Variants in NEGR1 observed in about 807,000 individuals in gnomAD.
NEGR1 encodes neuronal growth regulator 1, also known as IgLON family member 4.
NEGR1 carries 10 observed loss-of-function variants against 40.9 expected under a neutral mutation model. The observed-to-expected ratio is 0.24, with a 90% confidence interval of 0.15 to 0.42. NEGR1 has a LOEUF of 0.42. NEGR1 is among the 10% of genes least tolerant of loss of function. The pLI, the probability that NEGR1 is intolerant of heterozygous loss-of-function variation, is 1.00. For synonymous variants in NEGR1, 185 were observed against 166.8 expected, an observed-to-expected ratio of 1.11 and a Z score of -0.84; for missense variants, 352 against 438.9, an observed-to-expected ratio of 0.80 and a Z score of 1.77.
At chr1:72,009,098 T>C (rs1362283714) in intron 1 of NEGR1, among the ~76,000 whole-genome samples, 3 of 151,952 alleles carry the variant, frequency 2.0e-5, no homozygotes, top group Admixed American at 1.3e-4. Flanking sequence ...TATGTAATGG[T>C]GCATATTACC....
At chr1:72,237,171 C>T (rs1654576376) in intron 1 of NEGR1, among the ~76,000 whole-genome samples, 1 of 151,828 alleles carries the variant, frequency 6.6e-6, no homozygotes, top group South Asian at 2.1e-4. Context: ...AGGTATATCC[C>T]AGAATTACAA....
chr1:71,534,287 T>G (rs1217450661), intron 6 of NEGR1, among the ~76,000 whole-genome samples: 1 of 151,722 alleles, frequency 6.6e-6, no homozygotes, highest in African/African-American at 2.4e-5. Context: ...GTCGAACTAT[T>G]GGTTTGAATA....
intron 1 of NEGR1, among the ~76,000 whole-genome samples, chr1:72,189,125 A>G (rs12075999): frequency 0.038 from 5,818 of 151,560 alleles, 355 homozygotes; most frequent in African/African-American, 0.13. Flanking sequence ...CTCCCTATTC[A>G]AATGATAAAT....
intron 1 of NEGR1, among the ~76,000 whole-genome samples, chr1:71,966,074 A>G (rs940678151): frequency 1.3e-5 from 2 of 152,188 alleles, no homozygotes; most frequent in African/African-American, 2.4e-5. Flanking sequence ...AAGTTCAATA[A>G]TTCACCACAT....
intron 1 of NEGR1, among the ~76,000 whole-genome samples, chr1:72,188,888 A>T (rs899801176): frequency 1.3e-5 from 2 of 151,624 alleles, no homozygotes; most frequent in Admixed American, 1.3e-4. Context: ...TGGATTGCAG[A>T]TAAAAACAAA....
chr1:71,649,564 G>T (rs1651642871), intron 4 of NEGR1, among the ~76,000 whole-genome samples: 1 of 152,086 alleles, frequency 6.6e-6, no homozygotes, highest in African/African-American at 2.4e-5. Flanking sequence ...ATACATTAAA[G>T]TAGGAAGGGT....
chr1:71,881,786 A>G lies in NEGR1; in HGVS notation c.409+53293T>C, dbSNP rs565270622. On this transcript the variant is annotated intron_variant, in intron 2 of 6. Transcript: ENST00000357731. The stretch of plus-strand genomic sequence containing the variant: ...CCAACTGAATTATTTTAGGCATAAT[A>G]TATTCTTTCTGAATGTCTTTCCTCT... Among the ~76,000 whole-genome samples, 4 of 152,192 alleles carry G rather than the reference A, an allele frequency of 2.6e-5. No individual in the cohort carries two copies. In the East Asian group the frequency reaches 7.7e-4, roughly 29 times the overall value.
intron 1 of NEGR1, among the ~76,000 whole-genome samples, chr1:72,078,708 C>T (rs368559415): frequency 2.8e-4 from 42 of 147,906 alleles, no homozygotes; most frequent in East Asian, 1.4e-3. Context: ...GGCGTGATTT[C>T]GGCTCACTGT....
intron 3 of NEGR1, among the ~76,000 whole-genome samples, chr1:71,699,057 C>T (rs551113096): frequency 2.2e-4 from 34 of 151,850 alleles, no homozygotes; most frequent in Non-Finnish European, 4.9e-4. Context: ...AAAAAAATCA[C>T]ATTCCAGTGC....
At chr1:71,629,803 C>T (rs1473180702) in intron 4 of NEGR1, among the ~76,000 whole-genome samples, 1 of 151,884 alleles carries the variant, frequency 6.6e-6, no homozygotes, top group Admixed American at 6.6e-5. Flanking sequence ...CACCTCTAGA[C>T]TTTTTAAAAA....
At position 71,923,552 on chromosome 1, in the gene NEGR1, A is replaced by G. The variant is rs925802309; in HGVS notation, c.409+11527T>C. On this transcript the variant is annotated intron_variant, in intron 2 of 6. Coordinates refer to ENST00000357731, the MANE Select transcript of NEGR1 (RefSeq NM_173808.3). ...TGGCTGCCATAACAAATTATTACAAATTTAGTGGCTTAAAACAACACAAGT... is the reference window on the plus strand; with the variant it reads ...TGGCTGCCATAACAAATTATTACAAGTTTAGTGGCTTAAAACAACACAAGT... Among the ~76,000 whole-genome samples, 6 of 152,186 alleles carry G rather than the reference A, an allele frequency of 3.9e-5. No individual in the cohort carries two copies. In the East Asian group the frequency reaches 9.6e-4, roughly 24 times the overall value.
intron 6 of NEGR1, among the ~76,000 whole-genome samples, chr1:71,448,858 G>T (rs968379591): frequency 1.3e-5 from 2 of 152,168 alleles, no homozygotes; most frequent in Non-Finnish European, 2.9e-5. Context: ...TTTGATTTCA[G>T]TGACAACTGC....
intron 2 of NEGR1, among the ~76,000 whole-genome samples, chr1:71,915,740 A>G (rs1661558727): frequency 6.6e-6 from 1 of 152,186 alleles, no homozygotes; most frequent in Non-Finnish European, 1.5e-5. Flanking sequence ...ATCGTAATTT[A>G]GGAGAAGCCA....
At chr1:71,982,612 T>G (rs574863030) in intron 1 of NEGR1, among the ~76,000 whole-genome samples, 1 of 152,184 alleles carries the variant, frequency 6.6e-6, no homozygotes, top group African/African-American at 2.4e-5. Context: ...ACAGTGCATA[T>G]AGCAGGGGTT....
intron 2 of NEGR1, among the ~76,000 whole-genome samples, chr1:71,825,380 T>C (rs1270057723): frequency 6.6e-6 from 1 of 151,944 alleles, no homozygotes; most frequent in Admixed American, 6.6e-5. Context: ...TTAAAATCTC[T>C]GCATGCTTTG....
intron 1 of NEGR1, among the ~76,000 whole-genome samples, chr1:72,245,085 C>A (rs1322591019): frequency 6.6e-6 from 1 of 151,956 alleles, no homozygotes. Flanking sequence ...GACAGGACAA[C>A]CGTATTGGTC....
chr1:72,086,328 C>T (rs1272076253), intron 1 of NEGR1, among the ~76,000 whole-genome samples: 1 of 152,132 alleles, frequency 6.6e-6, no homozygotes, highest in Admixed American at 6.6e-5. Flanking sequence ...TTTGTAAGGA[C>T]GTACATGGCA....
rs1194116272 is a variant in NEGR1 at position 71,611,810 on chromosome 1, T to C, written c.668-664A>G. 3.3e-5 allele frequency among the ~76,000 whole-genome samples: 5 copies of C among 152,274 alleles called. No individual in the cohort carries two copies. In the East Asian group the frequency reaches 7.7e-4, roughly 24 times the overall value. On this transcript the variant is annotated intron_variant, in intron 4 of 6. Coordinates refer to ENST00000357731, the MANE Select transcript of NEGR1 (RefSeq NM_173808.3). ...GTTCCCCATTTCCACAGATTCAAGA[T>C]CCATATTAGGCATCAGTGTCCCCAT...
intron 3 of NEGR1, among the ~76,000 whole-genome samples, chr1:71,702,521 T>A: frequency 6.6e-6 from 1 of 151,984 alleles, no homozygotes; most frequent in Non-Finnish European, 1.5e-5. Flanking sequence ...TGTAAAGAAT[T>A]TGGATTATAA....
Sources: gnomAD v4.1 joint callset for allele counts (sites outside exome capture counted in the v4.1 genomes callset) on GRCh38, gnomAD v4.1.1 for gene constraint, MANE v1.5 for transcripts, NCBI Gene and HGNC (gene_info 2026-07-23, HGNC 2026-07-21) for gene names.